The following TSHZ2 variants were observed in gnomAD, a reference collection of about 807,000 sequenced individuals.
TSHZ2 encodes the protein teashirt zinc finger homeobox 2, also known as teashirt homolog 2.
TSHZ2 carries 21 observed loss-of-function variants against 74.4 expected under a neutral mutation model. The observed-to-expected ratio is 0.28, with a 90% CI of 0.20 to 0.41. TSHZ2 has a LOEUF of 0.41. TSHZ2 is among the 10% of genes least tolerant of loss of function. TSHZ2 has a pLI of 1.00. For synonymous variants in TSHZ2, 540 were observed against 515.3 expected, an observed-to-expected ratio of 1.05 and a Z score of -0.65; for missense variants, 1,244 against 1,293.5, an observed-to-expected ratio of 0.96 and a Z score of 0.59.
chr20:53,119,800 T>A (rs1052079528), intron 1 of TSHZ2, among the ~76,000 whole-genome samples: 1 of 152,210 alleles, frequency 6.6e-6, no homozygotes, highest in African/African-American at 2.4e-5. Context: ...TTGAATGGCA[T>A]AGCTCTTGGG....
chr20:53,460,721 T>A (rs1985325672), intron 2 of TSHZ2, among the ~76,000 whole-genome samples: 1 of 152,130 alleles, frequency 6.6e-6, no homozygotes, highest in Non-Finnish European at 1.5e-5. Flanking sequence ...TACAGATGGG[T>A]TTTTGGTGTG....
chr20:53,186,788 G>A (rs1271875761), intron 1 of TSHZ2, among the ~76,000 whole-genome samples: 6 of 152,050 alleles, frequency 3.9e-5, no homozygotes, highest in South Asian at 4.1e-4. Flanking sequence ...GGCAGCAGCC[G>A]TATTAACAAT....
At position 53,074,064 on chromosome 20, in the gene TSHZ2, C is replaced by A. The variant is rs1213083841; in HGVS notation, c.40+100731C>A. ...AAAAGAAACTAAAAAACTGACTTCG[C>A]AATTCTAGCATTGTAAAAGACATGT... On this transcript the variant is annotated intron_variant, in intron 1 of 2. Coordinates refer to ENST00000371497, the MANE Select transcript of TSHZ2 (RefSeq NM_173485.6). The surrounding 1 kb of genome is among the most constrained non-coding windows in gnomAD (Gnocchi z 5.9). Among the ~76,000 whole-genome samples, 5 of 152,274 alleles carry A rather than the reference C, an allele frequency of 3.3e-5. No homozygotes were observed. The highest frequency in any genetic ancestry group is 7.4e-5 in the Non-Finnish European group (5 of 68,024).
intron 1 of TSHZ2, among the ~76,000 whole-genome samples, chr20:53,097,500 T>G (rs1318022745): frequency 6.6e-6 from 1 of 152,208 alleles, no homozygotes; most frequent in Non-Finnish European, 1.5e-5. Flanking sequence ...TTGTTCTATT[T>G]CCAGTTTCAA....
At chr20:53,366,671 C>A (rs1024599951) in intron 2 of TSHZ2, among the ~76,000 whole-genome samples, 1 of 152,152 alleles carries the variant, frequency 6.6e-6, no homozygotes, top group African/African-American at 2.4e-5. Context: ...AAGAGGAAGG[C>A]CCCACTGCGT....
chr20:53,079,943 C>T (rs766861893), intron 1 of TSHZ2, among the ~76,000 whole-genome samples: 3 of 151,790 alleles, frequency 2.0e-5, no homozygotes, highest in Non-Finnish European at 4.4e-5. Flanking sequence ...CTCCAAAGTT[C>T]AACTTAGGTT....
chr20:53,013,114 C>T (rs1224408280), intron 1 of TSHZ2, among the ~76,000 whole-genome samples: 3 of 152,128 alleles, frequency 2.0e-5, no homozygotes, highest in Admixed American at 2.0e-4. Context: ...TTTAGTATAG[C>T]TTCACAGAGT....
chr20:52,992,365 A>G (rs763921867), intron 1 of TSHZ2, among the ~76,000 whole-genome samples: 2 of 152,188 alleles, frequency 1.3e-5, no homozygotes, highest in South Asian at 4.1e-4. Flanking sequence ...ATCTTAGTAA[A>G]TGTCATATAG....
chr20:52,984,472 T>C (rs942681837), intron 1 of TSHZ2, among the ~76,000 whole-genome samples: 1 of 152,098 alleles, frequency 6.6e-6, no homozygotes, highest in Non-Finnish European at 1.5e-5. Flanking sequence ...TGCACCTCTC[T>C]GGAGGAAGAC....
intron 2 of TSHZ2, among the ~76,000 whole-genome samples, chr20:53,362,023 G>A (rs973451080): frequency 4.0e-5 from 6 of 151,044 alleles, no homozygotes; most frequent in African/African-American, 7.3e-5. Context: ...AGATTCAAGC[G>A]ATTCCTCTGC....
chr20:53,166,659 T>C (rs994928751), intron 1 of TSHZ2, among the ~76,000 whole-genome samples: 2 of 151,886 alleles, frequency 1.3e-5, no homozygotes, highest in Non-Finnish European at 2.9e-5. Context: ...TAGTCCTAGC[T>C]ACTTGGGAGG....
intron 1 of TSHZ2, among the ~76,000 whole-genome samples, chr20:53,239,414 AAAG>A (rs1332537627): frequency 6.6e-6 from 1 of 152,140 alleles, no homozygotes; most frequent in Non-Finnish European, 1.5e-5. Flanking sequence ...AAGCAAGGAG[AAAG>A]AAGAACATTT....
At chr20:53,150,357 G>A (rs527405711) in intron 1 of TSHZ2, among the ~76,000 whole-genome samples, 1 of 152,288 alleles carries the variant, frequency 6.6e-6, no homozygotes, top group South Asian at 2.1e-4. Context: ...TAGTGATGAT[G>A]CAAACCAGGG....
At position 52,977,912 on chromosome 20, in the gene TSHZ2, G is replaced by A. The variant is rs146692286; in HGVS notation, c.40+4579G>A. 8.7e-4 allele frequency among the ~76,000 whole-genome samples: 132 copies of A among 152,258 alleles called. No homozygotes were observed. In the East Asian group the frequency reaches 9.5e-3, roughly 11 times the overall value. On this transcript the variant is annotated intron_variant, in intron 1 of 2. Transcript: ENST00000371497. ...TGCTGAAGATTACTTTTGGGGAGGG[G>A]AGAAACATTCCTCAGAAACAGTCTA...
At chr20:53,343,549 A>C (rs1431937934) in intron 2 of TSHZ2, among the ~76,000 whole-genome samples, 1 of 152,174 alleles carries the variant, frequency 6.6e-6, no homozygotes, top group Non-Finnish European at 1.5e-5. Flanking sequence ...TGTAAAGAAA[A>C]CGTAATGAGC....
chr20:53,163,431 CTTTTATTTTA>C (rs202010008), intron 1 of TSHZ2, among the ~76,000 whole-genome samples: 2 of 129,842 alleles, frequency 1.5e-5, no homozygotes, highest in African/African-American at 3.1e-5. Flanking sequence ...CAAGAAGAGC[CTTTTATTTTA>C]TTTTATTTTA....
At chr20:53,271,869 T>C (rs1387393050) in intron 2 of TSHZ2, among the ~76,000 whole-genome samples, 1 of 152,192 alleles carries the variant, frequency 6.6e-6, no homozygotes, top group Non-Finnish European at 1.5e-5. Context: ...TGGATGTGCA[T>C]ACAATGGCTT....
chr20:52,975,213 A>G (rs570317065), intron 1 of TSHZ2, among the ~76,000 whole-genome samples: 2 of 152,194 alleles, frequency 1.3e-5, no homozygotes, highest in Admixed American at 6.5e-5. Context: ...ACCCTGGGCT[A>G]CGGTCCAGCA....
chr20:53,460,076 T>C (rs1985290100), intron 2 of TSHZ2, among the ~76,000 whole-genome samples: 1 of 152,098 alleles, frequency 6.6e-6, no homozygotes, highest in African/African-American at 2.4e-5. Context: ...TGGCGTTCTC[T>C]GTATTTCCTG....
Sources: gnomAD v4.1 joint callset for allele counts (sites outside exome capture counted in the v4.1 genomes callset) on GRCh38, gnomAD v4.1.1 for gene constraint, Gnocchi (gnomAD v3.1) non-coding constraint, MANE v1.5 for transcripts, NCBI Gene and HGNC (gene_info 2026-07-23, HGNC 2026-07-21) for gene names.